Variants in SLC27A5 observed in about 807,000 individuals in gnomAD.
SLC27A5 encodes the protein long-chain fatty acid transport protein 5.
Under a neutral mutation model 63.1 loss-of-function variants are expected in SLC27A5, and 47 were observed. The observed-to-expected ratio is 0.74, with a 90% confidence interval of 0.59 to 0.95. The LOEUF is 0.95. Among genes scored for constraint, SLC27A5 ranks in the 40% least tolerant of loss-of-function variants. SLC27A5 has a pLI of 0.00. For synonymous variants in SLC27A5, 391 were observed against 403.8 expected, an observed-to-expected ratio of 0.97 and a Z score of 0.38; for missense variants, 940 against 921.0, an observed-to-expected ratio of 1.02 and a Z score of -0.27.
In SLC27A5 at chr19:58,511,338, C is replaced by T. The variant is rs141455759; in HGVS notation, c.618G>A (p.Pro206=). 8 of 1,599,188 alleles carry T rather than the reference C, an allele frequency of 5.0e-6. No individual in the cohort carries two copies. Among genetic ancestry groups the T allele is most frequent in the African/African-American group, 1.3e-5 (1 of 74,696 alleles). Reference sequence around the variant, plus strand: ...GCGCCAGGGGCATCCCCCGGCCATGCGGGTTGATCCAGGCTGTTGGGCAGC... The same window carrying T: ...GCGCCAGGGGCATCCCCCGGCCATGTGGGTTGATCCAGGCTGTTGGGCAGC... The part of the protein sequence containing the change: ...KLGCPTAWIN[P]HGRGMPLAHS... Residue 206 remains proline, a synonymous_variant, in exon 1 of 10, where the codon CCG becomes CCA. Transcript: ENST00000263093.
chr19:58,498,553 T>C lies in SLC27A5; in HGVS notation c.2035A>G (p.Met679Val), dbSNP rs1357685333. Residue 679 changes from methionine to valine, a missense_variant, in exon 10 of 10, where the codon ATG becomes GTG. Transcript: ENST00000263093. The part of the protein sequence containing the change: ...AQSFRPLTAE[M>V]YQAVCEGTWR... Reference sequence around the variant, plus strand: ...GTTCCCTCACACACAGCCTGGTACATTTCTGCCGTCAGGGGCCGGAAGGAC... The same window carrying C: ...GTTCCCTCACACACAGCCTGGTACACTTCTGCCGTCAGGGGCCGGAAGGAC... 14 of 1,613,844 alleles carry C rather than the reference T, an allele frequency of 8.7e-6. No homozygotes were observed. The highest frequency in any genetic ancestry group is 2.7e-5 in the African/African-American group (2 of 74,900).
rs1211950548 is a variant in SLC27A5 at position 58,510,728 on chromosome 19, C to T, written c.891G>A (p.Gly297=). 3 of 1,605,474 alleles carry T rather than the reference C, an allele frequency of 1.9e-6. No individual in the cohort carries two copies. The highest frequency in any genetic ancestry group is 2.6e-6 in the Non-Finnish European group (3 of 1,175,058). ...RSPALFIYTS[G]TTGLPKPAIL... is the part of the protein sequence containing the mutation. The stretch of plus-strand genomic sequence containing the variant: ...GCTAATGGGCACCCTCACCAGTGGT[C>T]CCCGAGGTATAGATGAAGAGGGCAG... Residue 297 remains glycine, a synonymous_variant, in exon 2 of 10, where the codon GGG becomes GGA. Coordinates refer to ENST00000263093, the MANE Select transcript of SLC27A5 (RefSeq NM_012254.3).
chr19:58,499,392 T>C, intron 7 of SLC27A5, 100 bp downstream of exon 7: 1 of 1,418,842 alleles, frequency 7.0e-7, no homozygotes, highest in Non-Finnish European at 9.6e-7. Context: ...TCCGCCCTCT[T>C]ACGACAGGAA....
chr19:58,511,240 C>G, intron 1 of SLC27A5, 28 bp downstream of exon 1: 1 of 1,513,276 alleles, frequency 6.6e-7, no homozygotes, highest in Non-Finnish European at 8.8e-7. Flanking sequence ...TGCCCCCTTC[C>G]ATTCTCCACT....
At chr19:58,504,037 C>T (rs183342664) in intron 3 of SLC27A5, among the ~76,000 whole-genome samples, 17 of 152,224 alleles carry the variant, frequency 1.1e-4, no homozygotes, top group Non-Finnish European at 2.5e-4. Flanking sequence ...ATCGTTTGAA[C>T]CCAGGAGGCA....
intron 6 of SLC27A5, 42 bp downstream of exon 6, chr19:58,500,297 C>T (rs768477438): frequency 7.9e-6 from 12 of 1,528,582 alleles, no homozygotes; most frequent in African/African-American, 2.7e-5. Flanking sequence ...GACTGAGGGT[C>T]GCCACCCCTG....
chr19:58,498,962 A>AT lies in SLC27A5; in HGVS notation c.1766-48dup, dbSNP rs1476917767. 6 of 1,596,682 alleles carry AT rather than the reference A, an allele frequency of 3.8e-6. No individual in the cohort carries two copies. The South Asian group carries it at 6.7e-5, about 18-fold the overall frequency. On this transcript the variant is annotated intron_variant, in intron 8 of 9. Coordinates refer to ENST00000263093, the MANE Select transcript of SLC27A5 (RefSeq NM_012254.3). ...CTCGGCTGACCCATCTCGAGGGCCCATAGCTGACCCTCCAGCCTCGCCCAG... is the reference window on the plus strand; with the variant it reads ...CTCGGCTGACCCATCTCGAGGGCCCATTAGCTGACCCTCCAGCCTCGCCCAG...
Position 58,510,714 on chromosome 19 carries a change from C to T in SLC27A5, c.898+7G>A. The stretch of plus-strand genomic sequence containing the variant: ...AGGCTGGTGCTAGGGCTAATGGGCA[C>T]CCTCACCAGTGGTCCCCGAGGTATA... On this transcript the variant is annotated splice_region_variant and intron_variant, in intron 2 of 9. Coordinates refer to ENST00000263093, the MANE Select transcript of SLC27A5 (RefSeq NM_012254.3). The T allele has an allele frequency of 6.3e-7, 1 of 1,593,518 alleles. No individual in the cohort carries two copies. Among genetic ancestry groups the T allele is most frequent in the Non-Finnish European group, 8.6e-7 (1 of 1,167,774 alleles).
At chr19:58,501,513 G>A in intron 3 of SLC27A5, 103 bp from the exon 4 acceptor site, 1 of 1,270,756 alleles carries the variant, frequency 7.9e-7, no homozygotes, top group Non-Finnish European at 1.1e-6. Context: ...CTGAAATACA[G>A]GACAATACTG....
intron 3 of SLC27A5, chr19:58,508,741 A>T (rs1476635394): frequency 6.6e-6 from 1 of 151,568 alleles, no homozygotes; most frequent in African/African-American, 2.4e-5. Context: ...GATTATAGGC[A>T]TGAGCAACCA....
chr19:58,502,969 G>A (rs1007288218), intron 3 of SLC27A5, among the ~76,000 whole-genome samples: 1 of 152,136 alleles, frequency 6.6e-6, no homozygotes, highest in African/African-American at 2.4e-5. Context: ...GACTTAGGGA[G>A]GCCGAGGTGG....
At position 58,498,871 on chromosome 19, in the gene SLC27A5, C is replaced by A; in HGVS notation, c.1810G>T (p.Gly604Cys). 6.2e-7 allele frequency: 1 copy of A among 1,613,724 alleles called. No homozygotes were observed. The highest frequency in any genetic ancestry group is 8.5e-7 in the Non-Finnish European group (1 of 1,180,018). ...AACTTCTCCCCGTCGAAAGTCTGGC[C>A]GGGGGCTAGCTGCACAGCAGCCATG... The part of the protein sequence containing the change: ...VGMAAVQLAP[G>C]QTFDGEKLYQ... Residue 604 changes from glycine to cysteine, a missense_variant, in exon 9 of 10, where the codon GGC becomes TGC. Gly to Cys is a radical substitution (Grantham distance 159, BLOSUM62 -3). Coordinates refer to ENST00000263093, the MANE Select transcript of SLC27A5 (RefSeq NM_012254.3).
intron 3 of SLC27A5, among the ~76,000 whole-genome samples, chr19:58,505,367 G>A (rs2053333376): frequency 6.6e-6 from 1 of 151,674 alleles, no homozygotes; most frequent in Admixed American, 6.6e-5. Flanking sequence ...CCAAAGTGCT[G>A]GGATTACAGG....
intron 3 of SLC27A5, among the ~76,000 whole-genome samples, chr19:58,506,649 CTTT>C (rs377249164): frequency 7.0e-6 from 1 of 141,946 alleles, no homozygotes. Flanking sequence ...ACTATTTTCA[CTTT>C]TTTTTTTTTT....
chr19:58,507,221 G>A (rs1247055093), intron 3 of SLC27A5, among the ~76,000 whole-genome samples: 2 of 152,056 alleles, frequency 1.3e-5, no homozygotes, highest in African/African-American at 4.8e-5. Context: ...GCCGGGCATA[G>A]TGGTGGGCAC....
chr19:58,501,883 G>A lies in SLC27A5; in HGVS notation c.1058-473C>T, dbSNP rs534003941. Reference sequence around the variant, plus strand: ...GTACAGACGGGGTTTCACCATGTTGGCCAGGCTGGTCTTGAACTCCTGACC... The same window carrying A: ...GTACAGACGGGGTTTCACCATGTTGACCAGGCTGGTCTTGAACTCCTGACC... On this transcript the variant is annotated intron_variant, in intron 3 of 9. Transcript: ENST00000263093. Among the ~76,000 whole-genome samples, 15 of 152,270 alleles carry A rather than the reference G, an allele frequency of 9.9e-5. No homozygotes were observed. The East Asian group carries it at 2.9e-3, about 29-fold the overall frequency.
Position 58,499,705 on chromosome 19 carries a change from G to C in SLC27A5, c.1469-15C>G, listed in dbSNP as rs760409442. ...CCCCGGCTCCCCTGGGGTAGGAGCAGGAACAAGAACCCCTGGAGCCCACCA... is the reference window on the plus strand; with the variant it reads ...CCCCGGCTCCCCTGGGGTAGGAGCACGAACAAGAACCCCTGGAGCCCACCA... On this transcript the variant is annotated splice_polypyrimidine_tract_variant and intron_variant, in intron 6 of 9. Transcript: ENST00000263093. 3 of 1,609,574 alleles carry C rather than the reference G, an allele frequency of 1.9e-6. No individual in the cohort carries two copies. In the South Asian group the frequency reaches 3.3e-5, roughly 18 times the overall value.
In SLC27A5 at chr19:58,511,479, C is replaced by A. The variant is rs2053410590; in HGVS notation, c.477G>T (p.Leu159=). Reference sequence around the variant, plus strand: ...TCGCAGGGTCACCCAGCTCAGCCTTCAGGGCCCATGCCGCCTGGCAGGCCC... The same window carrying A: ...TCGCAGGGTCACCCAGCTCAGCCTTAAGGGCCCATGCCGCCTGGCAGGCCC... ...DARACQAAWA[L]KAELGDPASL... is the part of the protein sequence containing the mutation. Residue 159 remains leucine (L), a synonymous_variant, in exon 1 of 10, where the codon CTG becomes CTT. Coordinates refer to ENST00000263093, the MANE Select transcript of SLC27A5 (RefSeq NM_012254.3). 3 of 1,582,434 alleles carry A rather than the reference C, an allele frequency of 1.9e-6. No individual in the cohort carries two copies. The highest frequency in any genetic ancestry group is 2.6e-6 in the Non-Finnish European group (3 of 1,164,858).
intron 3 of SLC27A5, among the ~76,000 whole-genome samples, chr19:58,503,109 G>A (rs1208029102): frequency 6.6e-6 from 1 of 151,992 alleles, no homozygotes; most frequent in East Asian, 1.9e-4. Flanking sequence ...GGAGGCTGAG[G>A]CAGGAGAATG....
Sources: allele counts gnomAD v4.1 joint callset (sites outside exome capture counted in the v4.1 genomes callset), GRCh38; gene constraint gnomAD v4.1.1; transcripts MANE v1.5; gene names NCBI Gene and HGNC (gene_info 2026-07-23, HGNC 2026-07-21).